The following PPP2R2B variants were observed in gnomAD, a reference collection of about 807,000 sequenced individuals.
PPP2R2B encodes serine/threonine-protein phosphatase 2A 55 kDa regulatory subunit B beta isoform.
A neutral mutation model predicts 46.0 loss-of-function variants in PPP2R2B; 5 were observed. The ratio of observed to expected loss-of-function variants is 0.11; its 90% confidence interval spans 0.06 to 0.23. PPP2R2B has a LOEUF of 0.23. PPP2R2B is among the 10% of genes least tolerant of loss of function. The pLI is 1.00. For synonymous variants in PPP2R2B, 215 were observed against 206.7 expected (o/e 1.04, Z -0.34); for missense variants, 367 against 575.0 (o/e 0.64, Z 3.70).
chr5:146,614,262 A>G (rs2151039473), intron 7 of PPP2R2B, among the ~76,000 whole-genome samples: 1 of 113,810 alleles, frequency 8.8e-6, no homozygotes, highest in South Asian at 3.2e-4. Flanking sequence ...AGGATTCCCT[A>G]TTTAATAAAT....
chr5:147,008,358 T>A (rs1194777975), intron 1 of PPP2R2B, among the ~76,000 whole-genome samples: 1 of 152,164 alleles, frequency 6.6e-6, no homozygotes, highest in African/African-American at 2.4e-5. Context: ...CATTTATGAA[T>A]AAATGTTAAT....
chr5:146,979,504 A>G (rs2151853886), intron 1 of PPP2R2B, among the ~76,000 whole-genome samples: 1 of 151,984 alleles, frequency 6.6e-6, no homozygotes, highest in African/African-American at 2.4e-5. Context: ...ATAGATGCTC[A>G]ATAAATAAAA....
chr5:146,946,917 A>G (rs929982324), intron 1 of PPP2R2B, among the ~76,000 whole-genome samples: 2 of 152,042 alleles, frequency 1.3e-5, no homozygotes, highest in Non-Finnish European at 2.9e-5. Flanking sequence ...TTTAAAAAAT[A>G]CTCAGCAGAG....
At chr5:146,921,827 TAAC>T (rs1447286945) in intron 1 of PPP2R2B, among the ~76,000 whole-genome samples, 1 of 152,246 alleles carries the variant, frequency 6.6e-6, no homozygotes, top group African/African-American at 2.4e-5. Context: ...CATTCAAGTA[TAAC>T]AACAAGTACT....
intron 1 of PPP2R2B, among the ~76,000 whole-genome samples, chr5:147,053,225 A>C (rs934340901): frequency 6.8e-6 from 1 of 147,240 alleles, no homozygotes; most frequent in African/African-American, 2.5e-5. Context: ...AAAAAAAAAA[A>C]ACACACGCGC....
At chr5:146,677,244 A>G (rs1411496109) in intron 5 of PPP2R2B, among the ~76,000 whole-genome samples, 1 of 152,206 alleles carries the variant, frequency 6.6e-6, no homozygotes, top group Non-Finnish European at 1.5e-5. Flanking sequence ...TTTTCGCATT[A>G]AATAGTCAGT....
chr5:146,722,312 T>G (rs1780855475), intron 2 of PPP2R2B, among the ~76,000 whole-genome samples: 1 of 152,142 alleles, frequency 6.6e-6, no homozygotes, highest in Non-Finnish European at 1.5e-5. Flanking sequence ...CTAGAAACAT[T>G]AAGTAACTTG....
chr5:146,818,576 T>G (rs1582181459), intron 2 of PPP2R2B, among the ~76,000 whole-genome samples: 1 of 152,318 alleles, frequency 6.6e-6, no homozygotes, highest in East Asian at 1.9e-4. Flanking sequence ...TCACATATTT[T>G]GAGCACCTTA....
At chr5:146,861,345 C>T (rs1018409418) in intron 2 of PPP2R2B, among the ~76,000 whole-genome samples, 24 of 151,998 alleles carry the variant, frequency 1.6e-4, no homozygotes, top group African/African-American at 5.8e-4. Flanking sequence ...TGTGAGCCAC[C>T]GCGCCCAGCC....
At chr5:146,671,144 T>A (rs940023399) in intron 5 of PPP2R2B, among the ~76,000 whole-genome samples, 1 of 152,212 alleles carries the variant, frequency 6.6e-6, no homozygotes, top group African/African-American at 2.4e-5. Flanking sequence ...GATTCAATAT[T>A]ACTTACAGTT....
chr5:146,761,474 T>C (rs1441542970), intron 2 of PPP2R2B, among the ~76,000 whole-genome samples: 1 of 151,966 alleles, frequency 6.6e-6, no homozygotes. Context: ...TGAGAACACA[T>C]GGACACAGGA....
chr5:146,852,021 G>A (rs541258587), intron 2 of PPP2R2B, among the ~76,000 whole-genome samples: 2 of 152,078 alleles, frequency 1.3e-5, no homozygotes, highest in South Asian at 4.1e-4. Flanking sequence ...AAATGGTGAT[G>A]CTTTGAGAAA....
chr5:146,998,991 G>A (rs967639423), intron 1 of PPP2R2B, among the ~76,000 whole-genome samples: 10 of 134,786 alleles, frequency 7.4e-5, no homozygotes, highest in Non-Finnish European at 1.5e-4. Context: ...TCCAGCCTGG[G>A]AGACAGAGCG....
chr5:146,832,864 C>A (rs992018594), intron 2 of PPP2R2B, among the ~76,000 whole-genome samples: 6 of 152,108 alleles, frequency 3.9e-5, no homozygotes, highest in African/African-American at 1.2e-4. Context: ...GTAGGCTATA[C>A]CACCCCAGGT....
chr5:146,752,432 T>G (rs1753612949), intron 2 of PPP2R2B, among the ~76,000 whole-genome samples: 2 of 152,240 alleles, frequency 1.3e-5, no homozygotes, highest in South Asian at 2.1e-4. Context: ...TCATTTTATT[T>G]CTCAGAACTT....
At chr5:147,051,386 G>C (rs528326108) in intron 1 of PPP2R2B, among the ~76,000 whole-genome samples, 6 of 152,118 alleles carry the variant, frequency 3.9e-5, no homozygotes, top group Non-Finnish European at 2.9e-5. Context: ...TGGTCCACAG[G>C]GTTCATGGTG....
At chr5:146,727,303 G>GTT (rs11464005) in intron 2 of PPP2R2B, among the ~76,000 whole-genome samples, 78 of 147,198 alleles carry the variant, frequency 5.3e-4, no homozygotes, top group East Asian at 2.6e-3. Flanking sequence ...TATGAGAGGT[G>GTT]TTTTTTTTTT....
At chr5:146,887,145 A>G (rs1370596443) in intron 1 of PPP2R2B, among the ~76,000 whole-genome samples, 1 of 152,140 alleles carries the variant, frequency 6.6e-6, no homozygotes, top group Non-Finnish European at 1.5e-5. Flanking sequence ...CTGTCAAAAT[A>G]TAATTTCAAC....
chr5:146,873,480 G>T (rs982461302), intron 2 of PPP2R2B, among the ~76,000 whole-genome samples: 2 of 152,130 alleles, frequency 1.3e-5, no homozygotes, highest in Non-Finnish European at 2.9e-5. Flanking sequence ...GGTCAACAAG[G>T]CTTGATATGA....
Sources: allele counts gnomAD v4.1 joint callset (sites outside exome capture counted in the v4.1 genomes callset), GRCh38; gene constraint gnomAD v4.1.1; transcripts MANE v1.5; gene names NCBI Gene and HGNC (gene_info 2026-07-23, HGNC 2026-07-21).